Variants in DOCK7 observed in about 807,000 individuals in gnomAD.
The protein encoded by DOCK7 is dedicator of cytokinesis 7.
A neutral mutation model predicts 271.0 loss-of-function variants in DOCK7; 138 were observed. That is an observed-to-expected ratio of 0.51 (90% CI 0.44 to 0.59). DOCK7 has a LOEUF of 0.59. DOCK7 is among the 20% of genes least tolerant of loss of function. The pLI is 0.00. For missense variants in DOCK7, 2,066 were observed against 2,592.4 expected (o/e 0.80, Z 4.41); for synonymous variants, 823 against 876.1 (o/e 0.94, Z 1.07).
At position 62,513,428 on chromosome 1, in the gene DOCK7, T is replaced by C. The variant is rs140554668; in HGVS notation, c.4282+16A>G. 48 of 1,581,170 alleles carry C rather than the reference T, an allele frequency of 3.0e-5. No individual in the cohort carries two copies. Among genetic ancestry groups the C allele is most frequent in the Admixed American group, 2.5e-4 (13 of 51,100 alleles). ...CATTACAATATACAACTCAAGGAAA[T>C]TGAAGAAATTCTCACCAGGAGGAGA... On this transcript the variant is annotated intron_variant, in intron 33 of 49. Transcript: ENST00000635253.
intron 1 of DOCK7, among the ~76,000 whole-genome samples, chr1:62,680,814 G>A (rs912228248): frequency 2.0e-5 from 3 of 151,868 alleles, no homozygotes; most frequent in Non-Finnish European, 4.4e-5. Flanking sequence ...TCAGAGAAAT[G>A]CAAATCAAAA....
intron 14 of DOCK7, among the ~76,000 whole-genome samples, chr1:62,613,613 G>T (rs564370915): frequency 6.6e-6 from 1 of 152,156 alleles, no homozygotes; most frequent in South Asian, 2.1e-4. Context: ...TGAATTATCT[G>T]ATAACGAACA....
At chr1:62,668,187 A>G (rs563350822) in intron 1 of DOCK7, among the ~76,000 whole-genome samples, 18 of 152,330 alleles carry the variant, frequency 1.2e-4, no homozygotes, top group Non-Finnish European at 2.1e-4. Flanking sequence ...AGAGAACAGT[A>G]TAATACTATT....
In DOCK7 at chr1:62,508,275, T is replaced by A. The variant is rs190803571; in HGVS notation, c.4380-217A>T. ...ACACTTTCTCACCCCATTACAGAAGTGTAATGCCACTAAAAGCATAAATGT... is the reference window on the plus strand; with the variant it reads ...ACACTTTCTCACCCCATTACAGAAGAGTAATGCCACTAAAAGCATAAATGT... On this transcript the variant is annotated intron_variant, in intron 34 of 49. Transcript: ENST00000635253. Among the ~76,000 whole-genome samples, 811 of 152,304 alleles carry A rather than the reference T, an allele frequency of 5.3e-3. 9 individuals are homozygous for A. The highest frequency in any genetic ancestry group is 0.018 in the African/African-American group (765 of 41,572).
chr1:62,542,816 C>T lies in DOCK7; in HGVS notation c.2950-113G>A, dbSNP rs1645579853. ...TAATGAGAATAAGCAAAATAAGGCACGTGAACCATTCAATGATGCACTGAA... is the reference window on the plus strand; with the variant it reads ...TAATGAGAATAAGCAAAATAAGGCATGTGAACCATTCAATGATGCACTGAA... On this transcript the variant is annotated intron_variant, in intron 24 of 49. Transcript: ENST00000635253. The T allele has an allele frequency of 9.9e-6, 9 of 909,222 alleles. No individual in the cohort carries two copies. The Admixed American group carries it at 1.0e-4, about 10-fold the overall frequency. 56.3% of individuals were successfully genotyped at this position (909,222 alleles called of 1,614,324 possible). A position where few individuals can be genotyped will look rare whatever the true frequency, so the allele number is the denominator to read the frequency against.
intron 18 of DOCK7, among the ~76,000 whole-genome samples, chr1:62,567,518 A>AG (rs1037053059): frequency 6.8e-6 from 1 of 146,186 alleles, no homozygotes; most frequent in Non-Finnish European, 1.5e-5. Flanking sequence ...AGACACAGGG[A>AG]GGGGAACATC....
intron 37 of DOCK7, among the ~76,000 whole-genome samples, chr1:62,503,429 T>G (rs1646843558): frequency 2.0e-5 from 3 of 151,472 alleles, no homozygotes; most frequent in Admixed American, 6.6e-5. Context: ...AAGCTGAAAA[T>G]TAACATAAAC....
chr1:62,675,395 C>G (rs1660437328), intron 1 of DOCK7, among the ~76,000 whole-genome samples: 2 of 152,146 alleles, frequency 1.3e-5, no homozygotes, highest in African/African-American at 4.8e-5. Context: ...GAGCAAGACC[C>G]TGTCTCAATC....
intron 19 of DOCK7, 24 bp downstream of exon 19, chr1:62,561,593 A>G (rs755480951): frequency 3.5e-6 from 5 of 1,425,178 alleles, no homozygotes; most frequent in South Asian, 1.5e-5. Flanking sequence ...GTGAAATTTG[A>G]TAATAAAAAT....
chr1:62,482,344 AT>A (rs11349522), intron 43 of DOCK7: 107,888 of 125,376 alleles, frequency 0.86, 46,610 homozygotes, highest in Non-Finnish European at 0.93. Flanking sequence ...GACTCTAAGC[AT>A]TTTTTTTTTT....
chr1:62,639,654 C>G, intron 7 of DOCK7, among the ~76,000 whole-genome samples: 1 of 151,996 alleles, frequency 6.6e-6, no homozygotes, highest in South Asian at 2.1e-4. Context: ...TGGTCTTGAT[C>G]TCCTGACCTG....
At chr1:62,555,489 A>G (rs1329505336) in intron 21 of DOCK7, among the ~76,000 whole-genome samples, 2 of 152,170 alleles carry the variant, frequency 1.3e-5, no homozygotes, top group Admixed American at 1.3e-4. Context: ...CCTCCTAAAC[A>G]GCTGGGATTA....
At chr1:62,601,287 G>A in intron 14 of DOCK7, 3 of 916,962 alleles carry the variant, frequency 3.3e-6, no homozygotes, top group Non-Finnish European at 5.3e-6. Flanking sequence ...ATAGTTAAGA[G>A]ATATCCATCA....
At chr1:62,610,084 C>T (rs760717837) in intron 14 of DOCK7, among the ~76,000 whole-genome samples, 1 of 152,098 alleles carries the variant, frequency 6.6e-6, no homozygotes, top group Non-Finnish European at 1.5e-5. Flanking sequence ...CTCCTGACCT[C>T]GTGATCCGCC....
intron 29 of DOCK7, among the ~76,000 whole-genome samples, chr1:62,533,081 G>A (rs1275077817): frequency 6.6e-6 from 1 of 152,112 alleles, no homozygotes; most frequent in Admixed American, 6.6e-5. Flanking sequence ...CTATCTTTCT[G>A]GGGGTTTATC....
chr1:62,677,098 A>G (rs1414573326), intron 1 of DOCK7, among the ~76,000 whole-genome samples: 2 of 152,266 alleles, frequency 1.3e-5, no homozygotes, highest in African/African-American at 4.8e-5. Context: ...CCACTAAAAA[A>G]TGACTAATTT....
chr1:62,611,037 C>CA (rs1651721690), intron 14 of DOCK7, among the ~76,000 whole-genome samples: 1 of 152,210 alleles, frequency 6.6e-6, no homozygotes, highest in South Asian at 2.1e-4. Flanking sequence ...AATCGCCACA[C>CA]TGTCTTCCAC....
intron 12 of DOCK7, among the ~76,000 whole-genome samples, chr1:62,623,523 G>T (rs1020700332): frequency 6.6e-6 from 1 of 152,202 alleles, no homozygotes; most frequent in Non-Finnish European, 1.5e-5. Context: ...GGGGTAGATG[G>T]CTTATTGATT....
Position 62,475,807 on chromosome 1 carries a change from T to C in DOCK7, c.5861A>G (p.His1954Arg). 6.2e-7 allele frequency: 1 copy of C among 1,614,088 alleles called. No individual in the cohort carries two copies. Among genetic ancestry groups the C allele is most frequent in the Middle Eastern group, 1.6e-4 (1 of 6,062 alleles). Residue 1954 changes from histidine to arginine, a missense_variant, in exon 46 of 50, where the codon CAT becomes CGT. Around this residue, in one of 2 missense-constraint regions of DOCK7, gnomAD observed 652 missense variants for 922.1 expected, o/e 0.71. Coordinates refer to ENST00000635253, the MANE Select transcript of DOCK7 (RefSeq NM_001367561.1). ...TTTGAATTGTTCATGAAGTTCCCCA[T>C]GGGCACGGCCATCTAAAGTAAAGGG... ...CTPFTLDGRA[H>R]GELHEQFKRK...
Sources: gnomAD v4.1 joint callset for allele counts (sites outside exome capture counted in the v4.1 genomes callset) on GRCh38, gnomAD v4.1.1 for gene constraint, gnomAD v4.1.1 regional missense constraint, MANE v1.5 for transcripts, NCBI Gene and HGNC (gene_info 2026-07-23, HGNC 2026-07-21) for gene names.